TRIO: variants seen among roughly 807,000 people sequenced by gnomAD.
TRIO encodes triple functional domain protein.
TRIO carries 58 observed loss-of-function variants against 351.9 expected under a neutral mutation model. The observed-to-expected ratio is 0.16, with a 90% CI of 0.13 to 0.21. The LOEUF is 0.21. Ranked by LOEUF, TRIO falls within the 10% of genes least tolerant of loss-of-function variation. TRIO has a pLI of 1.00. For missense variants in TRIO, 3,201 were observed against 4,027.8 expected, an observed-to-expected ratio of 0.79 and a Z score of 5.56; for synonymous variants, 1,758 against 1,595.7, an observed-to-expected ratio of 1.10 and a Z score of -2.42.
chr5:14,391,063 T>A, intron 27 of TRIO, 73 bp downstream of exon 27: 1 of 1,150,426 alleles, frequency 8.7e-7, no homozygotes, highest in Non-Finnish European at 1.2e-6. Flanking sequence ...ACTCATAACT[T>A]TCACCTAATT....
At chr5:14,210,335 G>A (rs909489320) in intron 1 of TRIO, among the ~76,000 whole-genome samples, 1 of 152,198 alleles carries the variant, frequency 6.6e-6, no homozygotes, top group Non-Finnish European at 1.5e-5. Flanking sequence ...TAATTGTCCA[G>A]CGACCCCAGC....
At chr5:14,293,959 A>G (rs1737124258) in intron 6 of TRIO, among the ~76,000 whole-genome samples, 1 of 152,022 alleles carries the variant, frequency 6.6e-6, no homozygotes, top group Admixed American at 6.6e-5. Flanking sequence ...TTTGTTGTAG[A>G]GCATTAAAGC....
At chr5:14,150,694 C>T (rs1787777956) in intron 1 of TRIO, among the ~76,000 whole-genome samples, 1 of 152,112 alleles carries the variant, frequency 6.6e-6, no homozygotes, top group African/African-American at 2.4e-5. Context: ...CAACAAAAGC[C>T]AAAGCTCATA....
chr5:14,381,057 G>T, intron 20 of TRIO, 73 bp from the exon 21 acceptor site: 1 of 1,518,116 alleles, frequency 6.6e-7, no homozygotes, highest in South Asian at 1.4e-5. Flanking sequence ...ACCTTTAAAT[G>T]AGGTGCTCGG....
At chr5:14,471,642 C>T (rs1386110976) in intron 38 of TRIO, among the ~76,000 whole-genome samples, 176 bp downstream of exon 38, 1 of 152,074 alleles carries the variant, frequency 6.6e-6, no homozygotes, top group Non-Finnish European at 1.5e-5. Flanking sequence ...CACAGTATTC[C>T]ATAGCTGCAG....
At position 14,497,155 on chromosome 5, in the gene TRIO, C is replaced by T. The variant is rs1561561812; in HGVS notation, c.8019+138C>T. 1.5e-6 allele frequency: 2 copies of T among 1,294,458 alleles called. No homozygotes were observed. Among genetic ancestry groups the T allele is most frequent in the East Asian group, 2.5e-5 (1 of 39,360 alleles). The allele number at this position is 1,294,458 out of a possible 1,614,324, so 80.2% of individuals were successfully genotyped here. On this transcript the variant is annotated intron_variant, in intron 50 of 56. Transcript: ENST00000344204. The surrounding 1 kb of genome is among the most constrained non-coding windows in gnomAD (Gnocchi z 4.4). ...CCACCAGCCCCGTGCCCTGCGTGTC[C>T]TGTAGGGTCTTGTTAGGGGCACTAT...
chr5:14,179,088 G>A (rs1021010279), intron 1 of TRIO, among the ~76,000 whole-genome samples: 2 of 152,128 alleles, frequency 1.3e-5, no homozygotes, highest in African/African-American at 4.8e-5. Flanking sequence ...CTTTGTCACC[G>A]CCTTCCCATT....
chr5:14,172,752 A>G (rs1195211991), intron 1 of TRIO, among the ~76,000 whole-genome samples: 1 of 152,242 alleles, frequency 6.6e-6, no homozygotes, highest in African/African-American at 2.4e-5. Context: ...GCTGAGGGAT[A>G]AGTAATCCCA....
intron 34 of TRIO, among the ~76,000 whole-genome samples, chr5:14,456,592 G>A (rs1488817497): frequency 1.3e-5 from 2 of 152,214 alleles, no homozygotes; most frequent in Non-Finnish European, 2.9e-5. Flanking sequence ...TGGGCAGGGG[G>A]TCTCATGCTC....
At chr5:14,507,286 G>C in intron 56 of TRIO, 26 bp downstream of exon 56, 1 of 1,609,686 alleles carries the variant, frequency 6.2e-7, no homozygotes. Flanking sequence ...GGCAGGTGAA[G>C]GGGGGTCTGA....
chr5:14,401,870 A>G (rs567480024), intron 31 of TRIO, among the ~76,000 whole-genome samples: 15 of 152,096 alleles, frequency 9.9e-5, no homozygotes, highest in Non-Finnish European at 2.1e-4. Flanking sequence ...CCAGAGTGTA[A>G]TGGGACTCTG....
chr5:14,143,870 T>C lies in TRIO; in HGVS notation c.145T>C (p.Phe49Leu). 9.3e-7 allele frequency: 1 copy of C among 1,075,666 alleles called. No homozygotes were observed. The allele number at this position is 1,075,666 out of a possible 1,614,324, so 66.6% of individuals were successfully genotyped here. ...AAKDLADIAA[F>L]FRSGFRKNDE... ...CAAGGACCTGGCCGACATCGCGGCC[T>C]TCTTCCGATCCGGTGAGTGCAACTG... The change falls in exon 1 of 57, where the codon TTC (phenylalanine) becomes CTC (leucine). Residue 49 changes from phenylalanine (F) to leucine (L), a missense_variant. Physicochemically the swap from Phe to Leu is conservative, Grantham distance 22. Coordinates refer to ENST00000344204, the MANE Select transcript of TRIO (RefSeq NM_007118.4).
chr5:14,275,655 C>A (rs1735431012), intron 2 of TRIO, among the ~76,000 whole-genome samples: 1 of 149,832 alleles, frequency 6.7e-6, no homozygotes, highest in Non-Finnish European at 1.5e-5. Context: ...CTGTTTTCAT[C>A]TTCTTCTCCC....
chr5:14,294,655 C>T lies in TRIO; in HGVS notation c.1176+1521C>T, dbSNP rs149101183. On this transcript the variant is annotated intron_variant, in intron 6 of 56. Coordinates refer to ENST00000344204, the MANE Select transcript of TRIO (RefSeq NM_007118.4). The stretch of plus-strand genomic sequence containing the variant: ...AGAAGACAGGAAAATGGGTTGTGGA[C>T]GTAGAGGCTTTTAATTCTGACTTTC... Among the ~76,000 whole-genome samples the T allele has an allele frequency of 5.0e-4, 76 of 152,238 alleles. No individual in the cohort carries two copies. The East Asian group carries it at 9.9e-3, about 20-fold the overall frequency.
chr5:14,326,576 C>G (rs892352485), intron 9 of TRIO, among the ~76,000 whole-genome samples: 7 of 152,108 alleles, frequency 4.6e-5, no homozygotes, highest in Non-Finnish European at 8.8e-5. Context: ...TGCAGAGTAG[C>G]CGTGGGAAGG....
At chr5:14,301,775 C>T (rs1295895293) in intron 7 of TRIO, among the ~76,000 whole-genome samples, 3 of 152,094 alleles carry the variant, frequency 2.0e-5, no homozygotes, top group Non-Finnish European at 4.4e-5. Flanking sequence ...CATCTCGGAA[C>T]GGGGATTGCT....
intron 19 of TRIO, among the ~76,000 whole-genome samples, chr5:14,376,086 T>C (rs534429435): frequency 1.3e-5 from 2 of 152,274 alleles, no homozygotes; most frequent in African/African-American, 4.8e-5. Flanking sequence ...AATTTGGGGT[T>C]CATTTTGGAG....
rs1246142386 is a variant in TRIO at position 14,502,616 on chromosome 5, C to T, written c.8370C>T (p.Asp2790=). 1.2e-6 allele frequency: 2 copies of T among 1,614,086 alleles called. No individual in the cohort carries two copies. Among genetic ancestry groups the T allele is most frequent in the African/African-American group, 2.7e-5 (2 of 74,928 alleles). The change falls in exon 54 of 57, where the codon GAC becomes GAT. Residue 2790 remains aspartate, a synonymous_variant. Coordinates refer to ENST00000344204, the MANE Select transcript of TRIO (RefSeq NM_007118.4). ...GMDGIMVTWK[D]NFDSFYSEVA... is the part of the protein sequence containing the mutation. ...ATGGGATCATGGTGACCTGGAAAGACAACTTTGACTCCTTCTACAGTGAAG... is the reference window on the plus strand; with the variant it reads ...ATGGGATCATGGTGACCTGGAAAGATAACTTTGACTCCTTCTACAGTGAAG...
At position 14,240,473 on chromosome 5, in the gene TRIO, A is replaced by G. The variant is rs1238949350; in HGVS notation, c.158-30352A>G. Among the ~76,000 whole-genome samples, 8 of 152,216 alleles carry G rather than the reference A, an allele frequency of 5.3e-5. 1 individual carries two copies. Among genetic ancestry groups the G allele is most frequent in the Admixed American group, 3.3e-4 (5 of 15,278 alleles). On this transcript the variant is annotated intron_variant, in intron 1 of 56. Transcript: ENST00000344204. Reference sequence around the variant, plus strand: ...AGCTGTTTTCCCGTTCTTTTACATCACAGCAGATTTTCATTCTTCTCCTCT... The same window carrying G: ...AGCTGTTTTCCCGTTCTTTTACATCGCAGCAGATTTTCATTCTTCTCCTCT...
Sources: gnomAD v4.1 joint callset for allele counts (sites outside exome capture counted in the v4.1 genomes callset) on GRCh38, gnomAD v4.1.1 for gene constraint, Gnocchi (gnomAD v3.1) non-coding constraint, MANE v1.5 for transcripts, NCBI Gene and HGNC (gene_info 2026-07-23, HGNC 2026-07-21) for gene names.